Variants in COX10 observed in about 807,000 individuals in gnomAD.
COX10 encodes the protein protoheme IX farnesyltransferase, mitochondrial.
COX10 carries 27 observed loss-of-function variants against 37.3 expected under a neutral mutation model. The observed-to-expected ratio is 0.72, with a 90% confidence interval of 0.53 to 1.00. The LOEUF is 1.00. COX10 is among the 50% of genes least tolerant of loss of function. COX10 has a pLI of 0.00. For synonymous variants in COX10, 222 were observed against 229.1 expected (o/e 0.97, Z 0.28); for missense variants, 475 against 563.2 (o/e 0.84, Z 1.59).
At chr17:14,087,800 C>T (rs1915444273) in intron 3 of COX10, among the ~76,000 whole-genome samples, 1 of 151,744 alleles carries the variant, frequency 6.6e-6, no homozygotes, top group Non-Finnish European at 1.5e-5. Flanking sequence ...TGTCTGTGTC[C>T]AGCCTCTTCT....
chr17:14,172,927 A>T (rs1043070196), intron 5 of COX10, among the ~76,000 whole-genome samples: 2 of 152,080 alleles, frequency 1.3e-5, no homozygotes, highest in African/African-American at 4.8e-5. Context: ...TCCTGGCCTC[A>T]AGTGATCTTT....
chr17:14,113,482 A>G (rs560448733), intron 4 of COX10, among the ~76,000 whole-genome samples: 1 of 152,288 alleles, frequency 6.6e-6, no homozygotes, highest in African/African-American at 2.4e-5. Context: ...TGAAAACGGA[A>G]TTCTTCTCAA....
Position 14,076,744 on chromosome 17 carries a change from C to G in COX10, c.187C>G (p.Gln63Glu), listed in dbSNP as rs1432652488. Reference protein sequence around the residue: ...FSFLKRMYVTQLNRSHNQQVR... With the variant: ...FSFLKRMYVTELNRSHNQQVR... ...GTGCTTTTTTGTTTAGTATGTCACA[C>G]AGCTGAACAGAAGCCACAACCAGCA... Residue 63 changes from glutamine (Q) to glutamate (E), a missense_variant, in exon 3 of 7, where the codon CAG becomes GAG. Physicochemically the swap from Gln to Glu is conservative, Grantham distance 29. Coordinates refer to ENST00000261643, the MANE Select transcript of COX10 (RefSeq NM_001303.4). The G allele has an allele frequency of 4.3e-6, 7 of 1,614,036 alleles. No homozygotes were observed. The African/African-American group carries it at 9.3e-5, about 22-fold the overall frequency.
At chr17:14,119,360 G>C (rs1040354221) in intron 4 of COX10, among the ~76,000 whole-genome samples, 1 of 151,930 alleles carries the variant, frequency 6.6e-6, no homozygotes, top group African/African-American at 2.4e-5. Flanking sequence ...TTATTCATGT[G>C]TTCAACTTGT....
intron 4 of COX10, among the ~76,000 whole-genome samples, chr17:14,127,168 C>T (rs866756957): frequency 6.6e-6 from 1 of 152,086 alleles, no homozygotes; most frequent in African/African-American, 2.4e-5. Flanking sequence ...CATAAAGAAA[C>T]TTGTTTTAAC....
chr17:14,167,075 T>G (rs1248378234), intron 5 of COX10, among the ~76,000 whole-genome samples: 1 of 152,174 alleles, frequency 6.6e-6, no homozygotes, highest in East Asian at 1.9e-4. Flanking sequence ...GGGAGGAGGT[T>G]AAAATGTCAA....
intron 3 of COX10, among the ~76,000 whole-genome samples, chr17:14,098,714 G>A (rs544769546): frequency 6.6e-5 from 10 of 152,206 alleles, no homozygotes; most frequent in Admixed American, 3.3e-4. Flanking sequence ...ATATACCTGC[G>A]ACTACTGTTT....
intron 3 of COX10, among the ~76,000 whole-genome samples, chr17:14,096,361 T>A (rs192627173): frequency 4.3e-5 from 6 of 140,006 alleles, no homozygotes; most frequent in African/African-American, 1.6e-4. Flanking sequence ...TAAATGTAGG[T>A]GTGTTTTTTT....
At chr17:14,161,128 A>T (rs1905163033) in intron 5 of COX10, among the ~76,000 whole-genome samples, 1 of 152,186 alleles carries the variant, frequency 6.6e-6, no homozygotes, top group Non-Finnish European at 1.5e-5. Context: ...CATCATTTTA[A>T]ACAGCCCATC....
At chr17:14,171,046 G>A (rs1396343541) in intron 5 of COX10, among the ~76,000 whole-genome samples, 2 of 152,126 alleles carry the variant, frequency 1.3e-5, no homozygotes, top group East Asian at 3.9e-4. Context: ...AAAGGATGGG[G>A]AGAAGTAAGC....
chr17:14,158,841 T>C (rs1905111495), intron 4 of COX10, among the ~76,000 whole-genome samples: 1 of 152,008 alleles, frequency 6.6e-6, no homozygotes, highest in South Asian at 2.1e-4. Context: ...TTCCATTGAA[T>C]TATTGTTTCG....
chr17:14,196,706 G>A (rs906627740), intron 6 of COX10, among the ~76,000 whole-genome samples: 1 of 152,194 alleles, frequency 6.6e-6, no homozygotes, highest in Non-Finnish European at 1.5e-5. Flanking sequence ...TTCCAAGCCT[G>A]TGTGCCTCCT....
intron 4 of COX10, among the ~76,000 whole-genome samples, chr17:14,151,718 G>A (rs1025418246): frequency 2.1e-4 from 32 of 152,084 alleles, no homozygotes; most frequent in Admixed American, 3.9e-4. Flanking sequence ...CAAGTCATGA[G>A]GAAAGATTAT....
At chr17:14,150,485 A>T (rs904577807) in intron 4 of COX10, among the ~76,000 whole-genome samples, 2 of 152,214 alleles carry the variant, frequency 1.3e-5, no homozygotes, top group African/African-American at 4.8e-5. Flanking sequence ...AGGTTAAAGG[A>T]GTCAAACCGT....
At position 14,074,365 on chromosome 17, in the gene COX10, T is replaced by C. The variant is rs1023600507; in HGVS notation, c.86T>C (p.Ile29Thr). Residue 29 changes from isoleucine (I) to threonine (T), a missense_variant, in exon 2 of 7, where the codon ATA becomes ACA. Ile to Thr is a moderately conservative substitution (Grantham distance 89). Around this residue, in one of 5 missense-constraint regions of COX10, gnomAD observed 242 missense variants for 242.5 expected, o/e 1.00. Coordinates refer to ENST00000261643, the MANE Select transcript of COX10 (RefSeq NM_001303.4). ...GSVWYLERRT[I>T]QDSPHKFLHL... ...GTCTGGTATCTTGAAAGAAGAACTA[T>C]ACAGGACTCCCCTCACAAGTTCTTA... 38 of 1,613,928 alleles carry C rather than the reference T, an allele frequency of 2.4e-5. No individual in the cohort carries two copies. The highest frequency in any genetic ancestry group is 3.1e-5 in the Non-Finnish European group (36 of 1,179,810).
At chr17:14,168,290 T>C (rs1019080553) in intron 5 of COX10, among the ~76,000 whole-genome samples, 1 of 152,258 alleles carries the variant, frequency 6.6e-6, no homozygotes, top group Non-Finnish European at 1.5e-5. Context: ...TGGGCAGTTC[T>C]GCTCCTGTGG....
chr17:14,102,060 C>T, intron 3 of COX10, 58 bp from the exon 4 acceptor site: 2 of 1,611,316 alleles, frequency 1.2e-6, no homozygotes, highest in South Asian at 2.2e-5. Context: ...GTCGTTCTGG[C>T]CTTTACAGTT....
rs563547131 is a variant in COX10 at position 14,154,779 on chromosome 17, C to T, written c.625-5098C>T. On this transcript the variant is annotated intron_variant, in intron 4 of 6. Coordinates refer to ENST00000261643, the MANE Select transcript of COX10 (RefSeq NM_001303.4). The stretch of plus-strand genomic sequence containing the variant: ...TGTTGGAGAAATTATTCCCATTTGC[C>T]GCTGAGGAAACTAAGGCTTCCGATA... Among the ~76,000 whole-genome samples, 32 of 152,222 alleles carry T rather than the reference C, an allele frequency of 2.1e-4. No homozygotes were observed. In the South Asian group the frequency reaches 2.5e-3, roughly 12 times the overall value.
intron 5 of COX10, among the ~76,000 whole-genome samples, chr17:14,172,570 T>C (rs1435136705): frequency 7.1e-6 from 1 of 141,010 alleles, no homozygotes; most frequent in Non-Finnish European, 1.5e-5. Flanking sequence ...TCTTCTTTTT[T>C]TCTTTTTCTT....
Sources: gnomAD v4.1 joint callset for allele counts (sites outside exome capture counted in the v4.1 genomes callset) on GRCh38, gnomAD v4.1.1 for gene constraint, gnomAD v4.1.1 regional missense constraint, MANE v1.5 for transcripts, NCBI Gene and HGNC (gene_info 2026-07-23, HGNC 2026-07-21) for gene names.